ZZEF1: variants seen among roughly 807,000 people sequenced by gnomAD.
ZZEF1 encodes zinc finger ZZ-type and EF-hand domain-containing protein 1.
Under a neutral mutation model 342.8 loss-of-function variants are expected in ZZEF1, and 157 were observed. The ratio of observed to expected loss-of-function variants is 0.46; its 90% CI spans 0.40 to 0.52. ZZEF1 has a LOEUF of 0.52. ZZEF1 is among the 20% of genes least tolerant of loss of function. The pLI is 0.00. For missense variants in ZZEF1, 3,480 were observed against 3,725.6 expected (o/e 0.93, Z 1.72); for synonymous variants, 1,505 against 1,429.1 (o/e 1.05, Z -1.20).
chr17:4,013,793 CAG>C (rs1207933167), intron 51 of ZZEF1, among the ~76,000 whole-genome samples, 179 bp from the exon 52 acceptor site: 1 of 152,056 alleles, frequency 6.6e-6, no homozygotes, highest in South Asian at 2.1e-4. Flanking sequence ...AAAAATAACA[CAG>C]GGGTCATATT....
In ZZEF1 at chr17:4,076,960, C is replaced by T. The variant is rs757958374; in HGVS notation, c.3019G>A (p.Ala1007Thr). 4.3e-6 allele frequency: 7 copies of T among 1,613,834 alleles called. No individual in the cohort carries two copies. The highest frequency in any genetic ancestry group is 4.5e-5 in the East Asian group (2 of 44,892). The change falls in exon 20 of 55, where the codon GCG becomes ACG. Residue 1007 changes from alanine (A) to threonine (T), a missense_variant. This residue lies in a region of ZZEF1 where 1,528 missense variants were observed against 1,624.1 expected (regional missense o/e 0.94). Transcript: ENST00000381638. ...TGTGAGAAAAGGGATTCCAAAATCG[C>T]TCTCATGCTTGCCAGAAACTGGCCC... ...YVGQFLASMR[A>T]ILESLFSQYS...
chr17:4,027,712 G>A (rs1236799746), intron 42 of ZZEF1, among the ~76,000 whole-genome samples: 3 of 150,278 alleles, frequency 2.0e-5, no homozygotes, highest in Non-Finnish European at 4.4e-5. Context: ...TGATCCTCCT[G>A]CCTCTGCATC....
chr17:4,062,331 G>C (rs2057303327), intron 30 of ZZEF1, among the ~76,000 whole-genome samples: 2 of 150,908 alleles, frequency 1.3e-5, no homozygotes, highest in South Asian at 4.3e-4. Flanking sequence ...TATAAAATCT[G>C]CCTTGTCTAC....
rs777789441 is a variant in ZZEF1, at chr17:4,109,646, G to A, written c.1277+7C>T. On this transcript the variant is annotated splice_region_variant and intron_variant, in intron 6 of 54. Transcript: ENST00000381638. ...GAGGGGGCTGGAACATAGAGAGAAT[G>A]ACTTACTGAGTATTGTGCAGCACTG... 1 of 1,613,888 alleles carries A rather than the reference G, an allele frequency of 6.2e-7. No individual in the cohort carries two copies. Among genetic ancestry groups the A allele is most frequent in the Non-Finnish European group, 8.5e-7 (1 of 1,179,864 alleles).
rs2055766613 is a variant in ZZEF1, at chr17:4,004,736, C to CGCCTCCTCCGGGCCTG, written c.*2138_*2153dup. 2 of 152,274 alleles carry CGCCTCCTCCGGGCCTG rather than the reference C, an allele frequency of 1.3e-5. No individual in the cohort carries two copies. Among genetic ancestry groups the CGCCTCCTCCGGGCCTG allele is most frequent in the African/African-American group, 4.8e-5 (2 of 41,464 alleles). 9.4% of individuals were successfully genotyped at this position (152,274 alleles called of 1,614,324 possible). ...GTTTCCACCTTTGCTCTGCGGGCTTCGCCTCCTCCGGGCCTGGGGCTCCTG... is the reference window on the plus strand; with the variant it reads ...GTTTCCACCTTTGCTCTGCGGGCTTCGCCTCCTCCGGGCCTGGCCTCCTCCGGGCCTGGGGCTCCTG... On this transcript the variant is annotated 3_prime_UTR_variant, in exon 55 of 55. Transcript: ENST00000381638.
chr17:4,080,362 A>G (rs1314051735), intron 18 of ZZEF1, among the ~76,000 whole-genome samples: 1 of 151,700 alleles, frequency 6.6e-6, no homozygotes, highest in Non-Finnish European at 1.5e-5. Flanking sequence ...TTGTTTTGAG[A>G]CAGAGTTTCG....
At chr17:4,021,461 C>T (rs374408601) in intron 44 of ZZEF1, 141 bp from the exon 45 acceptor site, 19 of 602,780 alleles carry the variant, frequency 3.2e-5, no homozygotes, top group Middle Eastern at 3.0e-4. Flanking sequence ...AAAAGAAACA[C>T]GAATGTATGT....
At position 4,114,489 on chromosome 17, in the gene ZZEF1, T is replaced by G. The variant is rs756617750; in HGVS notation, c.695-19A>C. 13 of 1,477,544 alleles carry G rather than the reference T, an allele frequency of 8.8e-6. No homozygotes were observed. 91.5% of individuals were successfully genotyped at this position (1,477,544 alleles called of 1,614,324 possible). A position where few individuals can be genotyped will look rare whatever the true frequency, so the allele number is the denominator to read the frequency against. The stretch of plus-strand genomic sequence containing the variant: ...GGGCTTTCTGTAGGGGAAACCAGAG[T>G]TGATTATATGACATCCCTTTCACAA... On this transcript the variant is annotated intron_variant, in intron 3 of 54. Coordinates refer to ENST00000381638, the MANE Select transcript of ZZEF1 (RefSeq NM_015113.4).
At chr17:4,021,072 A>T in intron 45 of ZZEF1, 57 bp downstream of exon 45, 1 of 1,522,294 alleles carries the variant, frequency 6.6e-7, no homozygotes, top group African/African-American at 1.4e-5. Context: ...GCCCGGGCCA[A>T]AGAGAAGCCA....
intron 42 of ZZEF1, among the ~76,000 whole-genome samples, chr17:4,029,983 C>T (rs2145039239): frequency 6.7e-6 from 1 of 149,548 alleles, no homozygotes; most frequent in South Asian, 2.1e-4. Context: ...ATCACCTGAG[C>T]CCAGCAGTTT....
At chr17:4,096,770 A>C in intron 9 of ZZEF1, 70 bp from the exon 10 acceptor site, 1 of 1,228,806 alleles carries the variant, frequency 8.1e-7, no homozygotes, top group Non-Finnish European at 1.2e-6. Flanking sequence ...AGATCAACAA[A>C]AACAAACCAT....
intron 33 of ZZEF1, among the ~76,000 whole-genome samples, 169 bp from the exon 34 acceptor site, chr17:4,054,364 G>A (rs1180872600): frequency 6.6e-6 from 1 of 152,198 alleles, no homozygotes; most frequent in Non-Finnish European, 1.5e-5. Context: ...TTCCATCAAG[G>A]AGGTGATGAC....
At chr17:4,115,855 C>T (rs997246034) in intron 3 of ZZEF1, among the ~76,000 whole-genome samples, 3 of 152,120 alleles carry the variant, frequency 2.0e-5, no homozygotes, top group African/African-American at 7.2e-5. Context: ...AATTTTCATA[C>T]AGACTAATTT....
Position 4,008,667 on chromosome 17 carries a change from T to C in ZZEF1, c.8805+216A>G. The stretch of plus-strand genomic sequence containing the variant: ...TTGGTTTTAAAGACACAAATTCTTC[T>C]GACCCCACAGTTTAGAGTGAATGAC... On this transcript the variant is annotated intron_variant, in intron 54 of 54. Transcript: ENST00000381638. This position sits in a 1 kb window ranked among gnomAD's most constrained non-coding sequence, Gnocchi z 4.2. The C allele has an allele frequency of 8.0e-7, 1 of 1,255,890 alleles. No individual in the cohort carries two copies. The allele number at this position is 1,255,890 out of a possible 1,614,324, so 77.8% of individuals were successfully genotyped here. A position where few individuals can be genotyped will look rare whatever the true frequency, so the allele number is the denominator to read the frequency against.
chr17:4,053,706 G>C lies in ZZEF1; in HGVS notation c.5434+351C>G, dbSNP rs148928440. Among the ~76,000 whole-genome samples, 6 of 152,326 alleles carry C rather than the reference G, an allele frequency of 3.9e-5. No homozygotes were observed. In the East Asian group the frequency reaches 1.2e-3, roughly 29 times the overall value. ...AGAAGTCAAGTGTACGAGGATTTTTGAAGCTTGCTTGTGTATGTGTGCGTG... is the reference window on the plus strand; with the variant it reads ...AGAAGTCAAGTGTACGAGGATTTTTCAAGCTTGCTTGTGTATGTGTGCGTG... On this transcript the variant is annotated intron_variant, in intron 34 of 54. Transcript: ENST00000381638.
Position 4,054,134 on chromosome 17 carries a change from C to T in ZZEF1, c.5357G>A (p.Cys1786Tyr). 1.2e-6 allele frequency: 2 copies of T among 1,613,960 alleles called. No individual in the cohort carries two copies. The highest frequency in any genetic ancestry group is 1.7e-6 in the Non-Finnish European group (2 of 1,179,928). Residue 1786 changes from cysteine to tyrosine, a missense_variant, in exon 34 of 55, where the codon TGT (cysteine) becomes TAT (tyrosine). Cys to Tyr is a radical substitution (Grantham distance 194, BLOSUM62 -2). Transcript: ENST00000381638. The stretch of plus-strand genomic sequence containing the variant: ...TCGATGCCAGGGGGCAATCTCATCA[C>T]ACCCATCACAAGAGATGTCCACATT... ...LLNVDISCDG[C>Y]DEIAPWHRYR...
At position 4,104,774 on chromosome 17, in the gene ZZEF1, C is replaced by T; in HGVS notation, c.1432G>A (p.Ala478Thr). ...STPEVELTLL[A>T]FALARGSVAK... ...ACACTTCCTCTTGCGAGAGCAAAAGCCAGAAGAGTCAGTTCTACCTCTGGG... is the reference window on the plus strand; with the variant it reads ...ACACTTCCTCTTGCGAGAGCAAAAGTCAGAAGAGTCAGTTCTACCTCTGGG... Residue 478 changes from alanine (A) to threonine (T), a missense_variant, in exon 8 of 55, where the codon GCT becomes ACT. Ala to Thr is a moderately conservative substitution (Grantham distance 58, BLOSUM62 0). This residue lies in a region of ZZEF1 where 1,528 missense variants were observed against 1,624.1 expected (regional missense o/e 0.94). Transcript: ENST00000381638. 7 of 1,614,054 alleles carry T rather than the reference C, an allele frequency of 4.3e-6. No individual in the cohort carries two copies. The highest frequency in any genetic ancestry group is 5.1e-6 in the Non-Finnish European group (6 of 1,179,966).
rs1020754896 is a variant in ZZEF1, at chr17:4,032,945, A to G, written c.6642T>C (p.Ser2214=). ...SMAEILRSLN[S]APLWRDVIAT... ...CAATGACATCACGCCACAGTGGGGC[A>G]CTGTTGAGTGACCGCAGGATCTCTG... is the stretch of plus-strand genomic sequence containing the variant. The change falls in exon 41 of 55, where the codon AGT becomes AGC. Residue 2214 remains serine, a synonymous_variant. Transcript: ENST00000381638. 7.5e-6 allele frequency: 12 copies of G among 1,610,394 alleles called. No individual in the cohort carries two copies. Among genetic ancestry groups the G allele is most frequent in the Non-Finnish European group, 1.0e-5 (12 of 1,178,366 alleles).
chr17:4,039,333 G>A (rs2056746952), intron 39 of ZZEF1, among the ~76,000 whole-genome samples: 1 of 152,012 alleles, frequency 6.6e-6, no homozygotes, highest in Admixed American at 6.6e-5. Context: ...AGCTGGGCAT[G>A]GTGGCATGCG....
Sources: gnomAD v4.1 joint callset for allele counts (sites outside exome capture counted in the v4.1 genomes callset) on GRCh38, gnomAD v4.1.1 for gene constraint, gnomAD v4.1.1 regional missense constraint, Gnocchi (gnomAD v3.1) non-coding constraint, MANE v1.5 for transcripts, NCBI Gene and HGNC (gene_info 2026-07-23, HGNC 2026-07-21) for gene names.